CDH8: variants seen among roughly 807,000 people sequenced by gnomAD.
CDH8 encodes the protein cadherin-8.
A neutral mutation model predicts 68.1 loss-of-function variants in CDH8; 17 were observed. The observed-to-expected ratio is 0.25, with a 90% CI of 0.17 to 0.37. The LOEUF is 0.37. CDH8 is among the 10% of genes least tolerant of loss of function. The probability of loss-of-function intolerance (pLI) is 1.00; values close to 1 mark genes in which losing one functional copy is unlikely to be tolerated. For missense variants in CDH8, 763 were observed against 999.3 expected (o/e 0.76, Z 3.19); for synonymous variants, 372 against 365.1 (o/e 1.02, Z -0.21).
intron 4 of CDH8, among the ~76,000 whole-genome samples, chr16:61,838,944 T>C (rs1479023652): frequency 1.3e-5 from 2 of 152,096 alleles, no homozygotes; most frequent in Non-Finnish European, 2.9e-5. Context: ...AGGAAATGCA[T>C]GTAAGGTTGT....
chr16:62,030,735 G>A (rs12928181), intron 1 of CDH8, among the ~76,000 whole-genome samples: 44,144 of 151,906 alleles, frequency 0.29, 7,844 homozygotes, highest in East Asian at 0.62. Context: ...ACATAAAAAA[G>A]AGTAAGGGGA....
At chr16:61,889,832 G>T (rs746347826) in intron 3 of CDH8, among the ~76,000 whole-genome samples, 1 of 152,050 alleles carries the variant, frequency 6.6e-6, no homozygotes, top group East Asian at 1.9e-4. Flanking sequence ...CCATCTGAGG[G>T]CAAAAAGAGG....
At chr16:61,950,818 C>T (rs550134587) in intron 2 of CDH8, among the ~76,000 whole-genome samples, 4 of 152,168 alleles carry the variant, frequency 2.6e-5, no homozygotes, top group African/African-American at 7.2e-5. Flanking sequence ...TGCATGTTCT[C>T]ACTTATAAGT....
At chr16:61,841,581 A>T (rs1319042685) in intron 4 of CDH8, among the ~76,000 whole-genome samples, 1 of 152,190 alleles carries the variant, frequency 6.6e-6, no homozygotes, top group Non-Finnish European at 1.5e-5. Context: ...AATTGAAAAA[A>T]TAAGTAAGAC....
intron 2 of CDH8, among the ~76,000 whole-genome samples, chr16:61,934,524 C>G (rs1038571719): frequency 6.6e-6 from 1 of 152,082 alleles, no homozygotes; most frequent in Non-Finnish European, 1.5e-5. Context: ...GCCACTTAAC[C>G]TTAAATAATT....
intron 2 of CDH8, among the ~76,000 whole-genome samples, chr16:61,922,924 T>C (rs542611104): frequency 1.3e-5 from 2 of 152,346 alleles, no homozygotes; most frequent in Middle Eastern, 6.8e-3. Context: ...GATAATTTAA[T>C]ACATTCATAT....
At chr16:61,656,562 A>G (rs1291828576) in intron 10 of CDH8, among the ~76,000 whole-genome samples, 1 of 152,210 alleles carries the variant, frequency 6.6e-6, no homozygotes, top group Admixed American at 6.5e-5. Context: ...ATTAAGATAC[A>G]GCAAAAGCCC....
chr16:61,898,669 T>TA (rs1454162910), intron 3 of CDH8, among the ~76,000 whole-genome samples: 1 of 152,176 alleles, frequency 6.6e-6, no homozygotes, highest in Non-Finnish European at 1.5e-5. Flanking sequence ...GTCATTAAGA[T>TA]ATGATTTTGG....
At chr16:61,917,948 C>A (rs1964270855) in intron 2 of CDH8, among the ~76,000 whole-genome samples, 1 of 148,616 alleles carries the variant, frequency 6.7e-6, no homozygotes, top group Non-Finnish European at 1.5e-5. Flanking sequence ...CCCAGGCAAC[C>A]AGGAGGTCAA....
At chr16:62,002,824 T>C (rs898870070) in intron 2 of CDH8, among the ~76,000 whole-genome samples, 8 of 152,134 alleles carry the variant, frequency 5.3e-5, no homozygotes, top group South Asian at 4.1e-4. Flanking sequence ...GAGGCCGAGG[T>C]GGGCGGATCA....
At chr16:61,936,726 C>G (rs751635327) in intron 2 of CDH8, among the ~76,000 whole-genome samples, 2 of 152,132 alleles carry the variant, frequency 1.3e-5, no homozygotes, top group Non-Finnish European at 2.9e-5. Flanking sequence ...ACAGAGGAGA[C>G]AAAACTGAGG....
intron 4 of CDH8, among the ~76,000 whole-genome samples, chr16:61,836,985 C>G (rs922346592): frequency 6.6e-6 from 1 of 151,990 alleles, no homozygotes; most frequent in Non-Finnish European, 1.5e-5. Context: ...TTGTTCCTTT[C>G]AAGCCAATAC....
At chr16:62,016,177 T>C (rs900072074) in intron 2 of CDH8, among the ~76,000 whole-genome samples, 1 of 152,212 alleles carries the variant, frequency 6.6e-6, no homozygotes, top group East Asian at 1.9e-4. Context: ...TTCCTCTGTA[T>C]ATGCTTCAAG....
At chr16:61,715,890 C>G (rs1964721813) in intron 9 of CDH8, among the ~76,000 whole-genome samples, 1 of 151,598 alleles carries the variant, frequency 6.6e-6, no homozygotes, top group Admixed American at 6.6e-5. Context: ...AACAGCTGTG[C>G]TGGATTTTCA....
intron 7 of CDH8, among the ~76,000 whole-genome samples, chr16:61,812,283 T>C (rs1961968686): frequency 6.6e-6 from 1 of 152,154 alleles, no homozygotes; most frequent in Admixed American, 6.5e-5. Context: ...GTAACTCAGG[T>C]GAATTATAAA....
chr16:61,700,279 T>A (rs920346421), intron 10 of CDH8, among the ~76,000 whole-genome samples: 2 of 132,758 alleles, frequency 1.5e-5, no homozygotes, highest in African/African-American at 5.5e-5. Flanking sequence ...TTTTTAGTTG[T>A]TTTTTTTTTT....
intron 10 of CDH8, among the ~76,000 whole-genome samples, chr16:61,710,372 T>C (rs8047084): frequency 0.12 from 18,611 of 152,112 alleles, 1,150 homozygotes; most frequent in African/African-American, 0.14. Context: ...CAGTTAACTA[T>C]ATTATGGACA....
In CDH8 at chr16:61,653,113, T is replaced by C; in HGVS notation, c.*495A>G. ...GGAGGCCTCTCAAAACTCCAAAAAGTTATAATGTACAGCAGACCAAGTATT... is the reference window on the plus strand; with the variant it reads ...GGAGGCCTCTCAAAACTCCAAAAAGCTATAATGTACAGCAGACCAAGTATT... On this transcript the variant is annotated 3_prime_UTR_variant, in exon 12 of 12. Coordinates refer to ENST00000577390, the MANE Select transcript of CDH8 (RefSeq NM_001796.5). 1.6e-6 allele frequency: 2 copies of C among 1,257,028 alleles called. No homozygotes were observed. Among genetic ancestry groups the C allele is most frequent in the Non-Finnish European group, 2.0e-6 (2 of 1,001,980 alleles). 77.9% of individuals were successfully genotyped at this position (1,257,028 alleles called of 1,614,324 possible). A position where few individuals can be genotyped will look rare whatever the true frequency, so the allele number is the denominator to read the frequency against.
chr16:61,665,513 G>C (rs954863721), intron 10 of CDH8, among the ~76,000 whole-genome samples: 1 of 151,846 alleles, frequency 6.6e-6, no homozygotes, highest in African/African-American at 2.4e-5. Flanking sequence ...GGGGGTGGGG[G>C]GCAAGGGGAG....
Sources: allele counts gnomAD v4.1 joint callset (sites outside exome capture counted in the v4.1 genomes callset), GRCh38; gene constraint gnomAD v4.1.1; transcripts MANE v1.5; gene names NCBI Gene and HGNC (gene_info 2026-07-23, HGNC 2026-07-21).